SGCZ: variants seen among roughly 807,000 people sequenced by gnomAD.
SGCZ encodes the protein zeta-sarcoglycan.
A neutral mutation model predicts 41.3 loss-of-function variants in SGCZ; 40 were observed. That is an observed-to-expected ratio of 0.97 (90% CI 0.75 to 1.26). The LOEUF (loss-of-function observed/expected upper bound fraction) is 1.26. SGCZ is among the 50% of genes most tolerant of loss of function. SGCZ has a pLI of 0.00. For missense variants in SGCZ, 552 were observed against 369.8 expected, an observed-to-expected ratio of 1.49 and a Z score of -4.04; for synonymous variants, 206 against 137.5, an observed-to-expected ratio of 1.50 and a Z score of -3.49.
chr8:14,977,908 CACAT>C (rs1035896406), intron 1 of SGCZ, among the ~76,000 whole-genome samples: 7 of 124,514 alleles, frequency 5.6e-5, no homozygotes, highest in African/African-American at 1.9e-4. Context: ...CACACACACA[CACAT>C]ATATACACAC....
chr8:14,479,745 T>TTTTTTTC (rs1563356598), intron 2 of SGCZ, among the ~76,000 whole-genome samples: 1 of 102,022 alleles, frequency 9.8e-6, no homozygotes, highest in African/African-American at 3.6e-5. Flanking sequence ...TTTTTTTTTT[T>TTTTTTTC]TTTTTTTTTT....
At chr8:14,438,170 T>C (rs572943064) in intron 2 of SGCZ, among the ~76,000 whole-genome samples, 5 of 152,138 alleles carry the variant, frequency 3.3e-5, no homozygotes, top group South Asian at 4.1e-4. Flanking sequence ...CTTTAGCATG[T>C]TGTAAAAATA....
chr8:14,463,551 T>G (rs149796162), intron 2 of SGCZ, among the ~76,000 whole-genome samples: 1 of 151,548 alleles, frequency 6.6e-6, no homozygotes, highest in African/African-American at 2.4e-5. Flanking sequence ...TAAGGAAACA[T>G]TGGGCAAAAA....
intron 4 of SGCZ, among the ~76,000 whole-genome samples, chr8:14,175,941 G>C (rs1804529535): frequency 6.6e-6 from 1 of 152,036 alleles, no homozygotes; most frequent in Non-Finnish European, 1.5e-5. Context: ...TAGTTACAAA[G>C]CATTAATATA....
intron 1 of SGCZ, among the ~76,000 whole-genome samples, chr8:15,077,154 C>T (rs1292127806): frequency 2.0e-5 from 3 of 152,068 alleles, no homozygotes; most frequent in Admixed American, 6.6e-5. Context: ...GTCAGAAGTT[C>T]ACTCGATATT....
intron 1 of SGCZ, among the ~76,000 whole-genome samples, chr8:14,828,692 G>T (rs917955469): frequency 4.6e-5 from 7 of 152,200 alleles, no homozygotes; most frequent in African/African-American, 1.7e-4. Flanking sequence ...TGTTTGGGAT[G>T]CTCAAGGCAT....
chr8:14,380,422 A>G (rs761791630), intron 2 of SGCZ, among the ~76,000 whole-genome samples: 3 of 152,110 alleles, frequency 2.0e-5, no homozygotes, highest in Admixed American at 6.5e-5. Flanking sequence ...GATATGCAAT[A>G]TGATGAAAGG....
chr8:14,284,026 C>A (rs1800536716), intron 3 of SGCZ, among the ~76,000 whole-genome samples: 1 of 152,134 alleles, frequency 6.6e-6, no homozygotes, highest in African/African-American at 2.4e-5. Context: ...ATTTCTTAAT[C>A]TTTCTTGTGA....
chr8:14,690,972 G>A (rs1005217578), intron 1 of SGCZ, among the ~76,000 whole-genome samples: 1 of 152,112 alleles, frequency 6.6e-6, no homozygotes, highest in East Asian at 1.9e-4. Flanking sequence ...TAATCAATGT[G>A]TCCAGGTGAA....
At chr8:14,509,159 G>C (rs1239245254) in intron 2 of SGCZ, among the ~76,000 whole-genome samples, 5 of 151,962 alleles carry the variant, frequency 3.3e-5, no homozygotes, top group Admixed American at 3.3e-4. Flanking sequence ...ATTTAGACTA[G>C]ATTTTTTGCT....
chr8:14,875,496 G>C (rs1290559860), intron 1 of SGCZ, among the ~76,000 whole-genome samples: 1 of 152,152 alleles, frequency 6.6e-6, no homozygotes, highest in Admixed American at 6.6e-5. Context: ...TCTGAAAGCA[G>C]CGTCAGGGAG....
intron 1 of SGCZ, among the ~76,000 whole-genome samples, chr8:14,866,699 A>G (rs977585466): frequency 2.6e-5 from 4 of 151,940 alleles, no homozygotes; most frequent in South Asian, 2.1e-4. Flanking sequence ...AGTCTCAGCA[A>G]CTCTAGAGGT....
intron 1 of SGCZ, among the ~76,000 whole-genome samples, chr8:14,679,336 A>G (rs1808369880): frequency 6.6e-6 from 1 of 151,946 alleles, no homozygotes; most frequent in African/African-American, 2.4e-5. Context: ...TTCTTTTATC[A>G]TAGGAGATGA....
chr8:15,114,562 T>C (rs1807195759), intron 1 of SGCZ, among the ~76,000 whole-genome samples: 1 of 152,214 alleles, frequency 6.6e-6, no homozygotes. Context: ...TTGTGATTTT[T>C]ATTTTTATTT....
intron 1 of SGCZ, among the ~76,000 whole-genome samples, chr8:14,865,877 C>T (rs995460235): frequency 2.0e-5 from 3 of 152,164 alleles, no homozygotes; most frequent in Non-Finnish European, 4.4e-5. Flanking sequence ...TTATAAAGTA[C>T]TTATGGAGTT....
At chr8:15,185,839 T>C (rs1800315351) in intron 1 of SGCZ, among the ~76,000 whole-genome samples, 1 of 152,184 alleles carries the variant, frequency 6.6e-6, no homozygotes, top group Non-Finnish European at 1.5e-5. Context: ...GTAAAATGCA[T>C]GACTTATGAA....
intron 1 of SGCZ, among the ~76,000 whole-genome samples, chr8:15,166,002 G>C (rs528340239): frequency 8.1e-4 from 124 of 152,212 alleles, no homozygotes; most frequent in Middle Eastern, 3.4e-3. Context: ...TTATCATTTT[G>C]GCAAAATAAA....
At chr8:14,174,779 G>A (rs978620970) in intron 4 of SGCZ, among the ~76,000 whole-genome samples, 8 of 152,104 alleles carry the variant, frequency 5.3e-5, no homozygotes, top group Non-Finnish European at 5.9e-5. Context: ...CAATACAAAC[G>A]TATTGTCTCA....
intron 1 of SGCZ, among the ~76,000 whole-genome samples, chr8:15,163,111 T>C (rs573023591): frequency 4.0e-4 from 61 of 152,334 alleles, no homozygotes; most frequent in African/African-American, 1.5e-3. Flanking sequence ...ACACATGTGT[T>C]TGCATGGGAT....
Sources: allele counts gnomAD v4.1 joint callset (sites outside exome capture counted in the v4.1 genomes callset), GRCh38; gene constraint gnomAD v4.1.1; transcripts MANE v1.5; gene names NCBI Gene and HGNC (gene_info 2026-07-23, HGNC 2026-07-21).